Variants in PIK3AP1 observed in about 807,000 individuals in gnomAD.
PIK3AP1 encodes the protein phosphoinositide-3-kinase adaptor protein 1, also known as phosphoinositide 3-kinase adapter protein 1.
Under a neutral mutation model 88.1 loss-of-function variants are expected in PIK3AP1, and 21 were observed. That is an observed-to-expected ratio of 0.24 (90% CI 0.17 to 0.34). The LOEUF (loss-of-function observed/expected upper bound fraction) is 0.34. PIK3AP1 is among the 10% of genes least tolerant of loss of function. PIK3AP1 has a pLI of 1.00. For synonymous variants in PIK3AP1, 398 were observed against 400.0 expected, an observed-to-expected ratio of 1.00 and a Z score of 0.06; for missense variants, 828 against 1,035.7, an observed-to-expected ratio of 0.80 and a Z score of 2.75.
At chr10:96,635,240 C>T (rs1843297404) in intron 8 of PIK3AP1, among the ~76,000 whole-genome samples, 1 of 152,150 alleles carries the variant, frequency 6.6e-6, no homozygotes. Context: ...AGTCAGCTTG[C>T]CATGAATTTC....
At chr10:96,611,185 C>G (rs1475561340) in intron 13 of PIK3AP1, among the ~76,000 whole-genome samples, 1 of 152,228 alleles carries the variant, frequency 6.6e-6, no homozygotes, top group Non-Finnish European at 1.5e-5. Flanking sequence ...GGATTGTTGG[C>G]TTGCACAGGC....
Position 96,645,495 on chromosome 10 carries a change from G to T in PIK3AP1, c.1353C>A (p.Val451=). The T allele has an allele frequency of 6.2e-7, 1 of 1,613,806 alleles. No individual in the cohort carries two copies. The highest frequency in any genetic ancestry group is 8.5e-7 in the Non-Finnish European group (1 of 1,179,888). The change falls in exon 8 of 17, where the codon GTC becomes GTA. Residue 451 remains valine (V), a synonymous_variant. Coordinates refer to ENST00000339364, the MANE Select transcript of PIK3AP1 (RefSeq NM_152309.3). ...TACAGAGGTCTTCAGTGGCAGCTGGGACAAAGGCAGCCATGGACTCATAGA... is the reference window on the plus strand; with the variant it reads ...TACAGAGGTCTTCAGTGGCAGCTGGTACAAAGGCAGCCATGGACTCATAGA... ...EDLYESMAAF[V]PAATEDLYVE...
Position 96,648,763 on chromosome 10 carries a change from C to T in PIK3AP1, c.1081G>A (p.Ala361Thr). ...TTGGCCACGCTGTACGCCTGCAGGG[C>T]TCCTGGGCAGGTGAGCAACAAGGCA... The part of the protein sequence containing the change: ...LTALLLTCPG[A>T]LQAYSVANKH... Residue 361 changes from alanine (A) to threonine (T), a missense_variant, in exon 7 of 17, where the codon GCC (alanine) becomes ACC (threonine). This residue lies in a region of PIK3AP1 where 610 missense variants were observed against 760.1 expected (regional missense o/e 0.80). Transcript: ENST00000339364. 1.2e-6 allele frequency: 2 copies of T among 1,610,358 alleles called. No individual in the cohort carries two copies. The highest frequency in any genetic ancestry group is 1.7e-4 in the Middle Eastern group (1 of 6,054).
intron 3 of PIK3AP1, among the ~76,000 whole-genome samples, chr10:96,656,027 G>T (rs1405527423): frequency 6.6e-6 from 1 of 152,148 alleles, no homozygotes; most frequent in Non-Finnish European, 1.5e-5. Flanking sequence ...CACCCACAAG[G>T]GTGAGGAAGC....
intron 2 of PIK3AP1, among the ~76,000 whole-genome samples, chr10:96,669,006 C>T (rs1843804771): frequency 6.6e-6 from 1 of 152,144 alleles, no homozygotes; most frequent in Non-Finnish European, 1.5e-5. Context: ...GTGGCACACG[C>T]CTGTAATCCC....
At chr10:96,598,536 G>A (rs1232944807) in intron 16 of PIK3AP1, among the ~76,000 whole-genome samples, 1 of 152,032 alleles carries the variant, frequency 6.6e-6, no homozygotes, top group Non-Finnish European at 1.5e-5. Flanking sequence ...CACTTACTCT[G>A]CCAGGCACTA....
intron 2 of PIK3AP1, chr10:96,669,398 C>G (rs1843810958): frequency 6.6e-6 from 1 of 152,256 alleles, no homozygotes; most frequent in South Asian, 2.1e-4. Context: ...CACGTTCTAG[C>G]ACTGGCCTGG....
chr10:96,641,721 GTA>G (rs1463134268), intron 8 of PIK3AP1, among the ~76,000 whole-genome samples: 1 of 152,144 alleles, frequency 6.6e-6, no homozygotes, highest in Non-Finnish European at 1.5e-5. Context: ...TGGGACTTAA[GTA>G]AGTTACTAAA....
intron 16 of PIK3AP1, among the ~76,000 whole-genome samples, chr10:96,597,258 C>T (rs1376840190): frequency 1.4e-5 from 2 of 139,118 alleles, no homozygotes; most frequent in African/African-American, 5.3e-5. Flanking sequence ...TTCTTTTTTT[C>T]TTTCTTTCTT....
intron 8 of PIK3AP1, among the ~76,000 whole-genome samples, chr10:96,643,555 C>T (rs1484821509): frequency 2.6e-5 from 4 of 152,198 alleles, no homozygotes; most frequent in African/African-American, 9.7e-5. Context: ...TTCTAAGCCT[C>T]CCAGTTAGGT....
chr10:96,640,620 T>C (rs556685778), intron 8 of PIK3AP1, among the ~76,000 whole-genome samples: 1 of 152,298 alleles, frequency 6.6e-6, no homozygotes, highest in South Asian at 2.1e-4. Flanking sequence ...ATCTCTTACA[T>C]AATAAGGTGT....
chr10:96,599,864 A>G (rs951713191), intron 16 of PIK3AP1, among the ~76,000 whole-genome samples: 6 of 152,086 alleles, frequency 3.9e-5, no homozygotes, highest in African/African-American at 1.4e-4. Context: ...CTCTATCACA[A>G]CTTGCTTCCA....
chr10:96,619,116 G>A (rs1202557973), intron 12 of PIK3AP1, among the ~76,000 whole-genome samples: 2 of 152,220 alleles, frequency 1.3e-5, no homozygotes, highest in Non-Finnish European at 2.9e-5. Context: ...TGTAGAACAG[G>A]AGGAGTAATA....
rs1720529198 is a variant in PIK3AP1 at position 96,611,851 on chromosome 10, G to C, written c.2015-1984C>G. Among the ~76,000 whole-genome samples the C allele has an allele frequency of 2.6e-5, 4 of 152,048 alleles. No individual in the cohort carries two copies. The South Asian group carries it at 8.3e-4, about 32-fold the overall frequency. ...TTTTAACCTCAACTAGTTCTATAAA[G>C]AAGGAAAGTAAAATACACAGGAAAA... On this transcript the variant is annotated intron_variant, in intron 13 of 16. Transcript: ENST00000339364.
chr10:96,703,398 C>G (rs561015462), intron 2 of PIK3AP1, among the ~76,000 whole-genome samples: 2 of 152,088 alleles, frequency 1.3e-5, no homozygotes, highest in East Asian at 3.9e-4. Flanking sequence ...TAAAAAGAAG[C>G]AGACAAGATC....
In PIK3AP1 at chr10:96,602,489, C is replaced by A. The variant is rs555531027; in HGVS notation, c.2242-91G>T. ...CGTAACTCAAAAGCCCCTTGGTCCT[C>A]CTTAGGCTGGGGCTGAAGGTTGTTT... is the stretch of plus-strand genomic sequence containing the variant. On this transcript the variant is annotated intron_variant, in intron 15 of 16. Transcript: ENST00000339364. The A allele has an allele frequency of 5.4e-6, 6 of 1,108,980 alleles. No individual in the cohort carries two copies. The Admixed American group carries it at 1.1e-4, about 20-fold the overall frequency. The allele number at this position is 1,108,980 out of a possible 1,614,324, so 68.7% of individuals were successfully genotyped here.
At chr10:96,648,049 C>A (rs1205872805) in intron 7 of PIK3AP1, among the ~76,000 whole-genome samples, 4 of 152,156 alleles carry the variant, frequency 2.6e-5, no homozygotes, top group Non-Finnish European at 5.9e-5. Flanking sequence ...TAACATGGGA[C>A]CCAGGCAGGG....
intron 2 of PIK3AP1, among the ~76,000 whole-genome samples, chr10:96,686,404 G>A (rs1490629224): frequency 6.6e-6 from 1 of 152,132 alleles, no homozygotes; most frequent in Non-Finnish European, 1.5e-5. Context: ...AACCAAACTG[G>A]AATTCAGGAG....
At chr10:96,714,734 C>T (rs1844480526) in intron 1 of PIK3AP1, among the ~76,000 whole-genome samples, 1 of 152,198 alleles carries the variant, frequency 6.6e-6, no homozygotes, top group African/African-American at 2.4e-5. Flanking sequence ...CACGAGTCAA[C>T]TCAAAGCGCC....
Sources: gnomAD v4.1 joint callset for allele counts (sites outside exome capture counted in the v4.1 genomes callset) on GRCh38, gnomAD v4.1.1 for gene constraint, gnomAD v4.1.1 regional missense constraint, MANE v1.5 for transcripts, NCBI Gene and HGNC (gene_info 2026-07-23, HGNC 2026-07-21) for gene names.